The following PKNOX2 variants were observed in gnomAD, a reference collection of about 807,000 sequenced individuals.
PKNOX2 encodes the protein PBX/knotted 1 homeobox 2.
In PKNOX2, 14 loss-of-function variants were observed where a neutral mutation model predicts 53.1. The ratio of observed to expected loss-of-function variants is 0.26; its 90% CI spans 0.17 to 0.41. The LOEUF is 0.41. Among genes scored for constraint, PKNOX2 ranks in the 10% least tolerant of loss-of-function variants. The pLI, the probability that PKNOX2 is intolerant of heterozygous loss-of-function variation, is 1.00. For synonymous variants in PKNOX2, 257 were observed against 242.8 expected, an observed-to-expected ratio of 1.06 and a Z score of -0.54; for missense variants, 496 against 602.8, an observed-to-expected ratio of 0.82 and a Z score of 1.85.
intron 1 of PKNOX2, among the ~76,000 whole-genome samples, chr11:125,185,945 C>A (rs1956421146): frequency 6.6e-6 from 1 of 152,146 alleles, no homozygotes; most frequent in South Asian, 2.1e-4. Flanking sequence ...TTTTGAGGAA[C>A]CACCAAACTG....
At chr11:125,268,221 G>A (rs1468497177) in intron 2 of PKNOX2, among the ~76,000 whole-genome samples, 1 of 152,206 alleles carries the variant, frequency 6.6e-6, no homozygotes, top group African/African-American at 2.4e-5. Context: ...GGAAACCAGG[G>A]AGTGGGGTTA....
In PKNOX2 at chr11:125,240,430, A is replaced by G. The variant is rs1031087543; in HGVS notation, c.-130+5315A>G. On this transcript the variant is annotated intron_variant, in intron 2 of 12. Transcript: ENST00000298282. This position sits in a 1 kb window ranked among gnomAD's most constrained non-coding sequence, Gnocchi z 4.3. Reference sequence around the variant, plus strand: ...GAGGTGGCTATTTGGAGTCTTCTCCATAAACCTTTCTGGAGAGGAGCTGGG... The same window carrying G: ...GAGGTGGCTATTTGGAGTCTTCTCCGTAAACCTTTCTGGAGAGGAGCTGGG... Among the ~76,000 whole-genome samples, 5 of 152,162 alleles carry G rather than the reference A, an allele frequency of 3.3e-5. No homozygotes were observed. The highest frequency in any genetic ancestry group is 7.3e-5 in the Non-Finnish European group (5 of 68,036).
rs188016547 is a variant in PKNOX2, at chr11:125,404,265, G to A, written c.589-5931G>A. On this transcript the variant is annotated intron_variant, in intron 7 of 12. Transcript: ENST00000298282. Reference sequence around the variant, plus strand: ...TCCTCACCCCCAGCCCTGCAGCCGTGGAGCCCAGAGACCAGAGGGTGGCCT... The same window carrying A: ...TCCTCACCCCCAGCCCTGCAGCCGTAGAGCCCAGAGACCAGAGGGTGGCCT... Among the ~76,000 whole-genome samples, 5 of 152,354 alleles carry A rather than the reference G, an allele frequency of 3.3e-5. No individual in the cohort carries two copies. In the East Asian group the frequency reaches 7.7e-4, roughly 24 times the overall value.
intron 3 of PKNOX2, among the ~76,000 whole-genome samples, chr11:125,345,180 G>T (rs566474286): frequency 6.6e-6 from 1 of 152,310 alleles, no homozygotes; most frequent in East Asian, 1.9e-4. Flanking sequence ...GAGGGTGTTT[G>T]CTGTGCTGTA....
At chr11:125,330,212 G>A (rs529289947) in intron 2 of PKNOX2, 2 of 152,578 alleles carry the variant, frequency 1.3e-5, no homozygotes, top group South Asian at 2.1e-4. Flanking sequence ...GGATAGTGAT[G>A]GGGGAGTGAA....
chr11:125,333,563 C>CACACAT (rs1469911318), intron 3 of PKNOX2, among the ~76,000 whole-genome samples: 5 of 152,076 alleles, frequency 3.3e-5, no homozygotes, highest in African/African-American at 1.2e-4. Context: ...CACACACACA[C>CACACAT]ACACACACAC....
intron 2 of PKNOX2, among the ~76,000 whole-genome samples, chr11:125,276,860 A>C (rs60465757): frequency 6.6e-6 from 1 of 152,052 alleles, no homozygotes; most frequent in Admixed American, 6.5e-5. Context: ...AGCTGCTCTG[A>C]TACAGACCCT....
rs376543915 is a variant in PKNOX2 at position 125,431,175 on chromosome 11, A to G, written c.1202A>G (p.Asn401Ser). The G allele has an allele frequency of 3.1e-6, 5 of 1,613,470 alleles. No homozygotes were observed. The highest frequency in any genetic ancestry group is 1.7e-5 in the Admixed American group (1 of 59,968). The change falls in exon 13 of 13, where the codon AAC becomes AGC. Residue 401 changes from asparagine (N) to serine (S), a missense_variant. By Grantham distance (46) the Asn-to-Ser change is conservative (BLOSUM62 1). Around this residue, in one of 5 missense-constraint regions of PKNOX2, gnomAD observed 139 missense variants for 161.3 expected, o/e 0.86. Transcript: ENST00000298282. ...APGTNPDGSI[N>S]LDNLQSLSSD... ...TTGCTTTCTCTCGCAGGTTCCATCA[A>G]CTTGGACAACCTGCAGTCCCTGTCC...
rs900668904 is a variant in PKNOX2 at position 125,200,838 on chromosome 11, C to T, written c.-200-34207C>T. 5.9e-5 allele frequency among the ~76,000 whole-genome samples: 9 copies of T among 152,224 alleles called. No individual in the cohort carries two copies. The East Asian group carries it at 1.7e-3, about 29-fold the overall frequency. On this transcript the variant is annotated intron_variant, in intron 1 of 12. Coordinates refer to ENST00000298282, the MANE Select transcript of PKNOX2 (RefSeq NM_001382323.2). The stretch of plus-strand genomic sequence containing the variant: ...AACGGTTAAGCAACTGAGTGAATGA[C>T]CCAGGCAGGGCCCTTGTTTCCTTGC...
intron 2 of PKNOX2, among the ~76,000 whole-genome samples, chr11:125,259,358 T>C (rs1368467352): frequency 6.6e-6 from 1 of 152,228 alleles, no homozygotes; most frequent in Non-Finnish European, 1.5e-5. Context: ...ATCCCTAAGA[T>C]TCCTGCCAGC....
At chr11:125,180,691 G>A (rs1011230078) in intron 1 of PKNOX2, among the ~76,000 whole-genome samples, 6 of 152,196 alleles carry the variant, frequency 3.9e-5, no homozygotes, top group Non-Finnish European at 7.3e-5. Context: ...GGGAAAAAGG[G>A]GGTTTGCTCT....
At chr11:125,178,564 ACG>A (rs1955867283) in intron 1 of PKNOX2, among the ~76,000 whole-genome samples, 1 of 106,402 alleles carries the variant, frequency 9.4e-6, no homozygotes, top group African/African-American at 6.3e-5. Context: ...GAAGGAAGGA[ACG>A]AAGGAAGGAA....
intron 4 of PKNOX2, among the ~76,000 whole-genome samples, chr11:125,357,602 G>A (rs957160619): frequency 2.0e-5 from 3 of 152,094 alleles, no homozygotes; most frequent in Non-Finnish European, 4.4e-5. Context: ...GCGGGTCTGG[G>A]GAGGACCTTA....
chr11:125,246,040 C>T (rs377599501), intron 2 of PKNOX2, among the ~76,000 whole-genome samples: 2 of 152,172 alleles, frequency 1.3e-5, no homozygotes, highest in East Asian at 3.9e-4. Context: ...AGAACCTCAC[C>T]AATTCCTGGG....
intron 4 of PKNOX2, among the ~76,000 whole-genome samples, chr11:125,357,480 T>C (rs1166968337): frequency 6.6e-6 from 1 of 152,142 alleles, no homozygotes; most frequent in Non-Finnish European, 1.5e-5. Flanking sequence ...TATTGTCTAC[T>C]CCCTTGTCCC....
At chr11:125,207,245 CTTCT>C (rs1230382933) in intron 1 of PKNOX2, among the ~76,000 whole-genome samples, 4 of 151,942 alleles carry the variant, frequency 2.6e-5, no homozygotes, top group East Asian at 1.9e-4. Context: ...CCTTTCCTCC[CTTCT>C]TTGTTTTTCC....
chr11:125,201,644 T>C (rs1047919991), intron 1 of PKNOX2, among the ~76,000 whole-genome samples: 8 of 152,168 alleles, frequency 5.3e-5, no homozygotes, highest in Non-Finnish European at 1.2e-4. Flanking sequence ...AAGCAGGAAG[T>C]GTGCCAGCTG....
chr11:125,210,776 T>A (rs531259317), intron 1 of PKNOX2, among the ~76,000 whole-genome samples: 1 of 152,166 alleles, frequency 6.6e-6, no homozygotes, highest in African/African-American at 2.4e-5. Flanking sequence ...GAGTTCAGGA[T>A]CTTCAAATTC....
chr11:125,216,857 C>A (rs1471062924), intron 1 of PKNOX2, among the ~76,000 whole-genome samples: 1 of 152,158 alleles, frequency 6.6e-6, no homozygotes, highest in Non-Finnish European at 1.5e-5. Flanking sequence ...AACAGGGGAC[C>A]TTGTTAAAGG....
Sources: gnomAD v4.1 joint callset for allele counts (sites outside exome capture counted in the v4.1 genomes callset) on GRCh38, gnomAD v4.1.1 for gene constraint, gnomAD v4.1.1 regional missense constraint, Gnocchi (gnomAD v3.1) non-coding constraint, MANE v1.5 for transcripts, NCBI Gene and HGNC (gene_info 2026-07-23, HGNC 2026-07-21) for gene names.